Variants in SNTG2 observed in about 807,000 individuals in gnomAD.
SNTG2 encodes syntrophin gamma 2.
Under a neutral mutation model 70.9 loss-of-function variants are expected in SNTG2, and 74 were observed. The ratio of observed to expected loss-of-function variants is 1.04; its 90% confidence interval spans 0.86 to 1.27. The LOEUF is 1.27. Among genes scored for constraint, SNTG2 ranks in the 50% most tolerant of loss-of-function variants. The probability of loss-of-function intolerance (pLI) is 0.00; values close to 1 mark genes in which losing one functional copy is unlikely to be tolerated. For synonymous variants in SNTG2, 278 were observed against 273.8 expected, an observed-to-expected ratio of 1.02 and a Z score of -0.15; for missense variants, 717 against 690.7, an observed-to-expected ratio of 1.04 and a Z score of -0.43.
chr2:1,221,527 A>C (rs567427162), intron 9 of SNTG2, among the ~76,000 whole-genome samples: 2 of 204 alleles, frequency 9.8e-3, no homozygotes, highest in Non-Finnish European at 0.017. Flanking sequence ...GTCTCTCTCT[A>C]TCTCTGTCTC....
At chr2:1,359,491 C>T (rs1457043177) in intron 16 of SNTG2, among the ~76,000 whole-genome samples, 2 of 152,084 alleles carry the variant, frequency 1.3e-5, no homozygotes, top group Non-Finnish European at 2.9e-5. Context: ...TAAGTACAGC[C>T]ACCCTGCCCT....
At chr2:1,227,635 G>A (rs968185978) in intron 9 of SNTG2, among the ~76,000 whole-genome samples, 3 of 152,242 alleles carry the variant, frequency 2.0e-5, no homozygotes, top group Non-Finnish European at 4.4e-5. Context: ...CTGTGCAGCC[G>A]CAGCTGGGGA....
intron 8 of SNTG2, among the ~76,000 whole-genome samples, chr2:1,176,643 T>A (rs1235491513): frequency 3.8e-5 from 5 of 130,150 alleles, no homozygotes; most frequent in African/African-American, 1.2e-4. Context: ...CTAAAACAAA[T>A]TTACAAGAAA....
chr2:1,193,501 G>A (rs1034719973), intron 8 of SNTG2, among the ~76,000 whole-genome samples: 10 of 152,080 alleles, frequency 6.6e-5, no homozygotes, highest in African/African-American at 1.7e-4. Flanking sequence ...TTAGAAGTCC[G>A]TTGCTGTACT....
chr2:1,051,095 C>G (rs1366318260), intron 1 of SNTG2, among the ~76,000 whole-genome samples: 1 of 149,404 alleles, frequency 6.7e-6, no homozygotes, highest in African/African-American at 2.5e-5. Context: ...TCAATAATAT[C>G]ATCTATGAAA....
intron 1 of SNTG2, among the ~76,000 whole-genome samples, chr2:1,057,141 T>G (rs1402310742): frequency 6.6e-6 from 1 of 152,086 alleles, no homozygotes; most frequent in East Asian, 1.9e-4. Flanking sequence ...CTATTTCTGC[T>G]AGAAGCTGTG....
At chr2:1,238,849 G>A (rs991664923) in intron 10 of SNTG2, among the ~76,000 whole-genome samples, 21 of 152,320 alleles carry the variant, frequency 1.4e-4, no homozygotes, top group African/African-American at 3.8e-4. Context: ...CCCACCCTGC[G>A]GCCCTGCAGA....
chr2:1,306,147 G>T (rs965834351), intron 14 of SNTG2, among the ~76,000 whole-genome samples: 3 of 152,194 alleles, frequency 2.0e-5, no homozygotes, highest in African/African-American at 7.2e-5. Context: ...GGCAAGGGGA[G>T]CTGGCTGGTA....
At chr2:1,034,710 C>T (rs183560944) in intron 1 of SNTG2, among the ~76,000 whole-genome samples, 92 of 152,228 alleles carry the variant, frequency 6.0e-4, no homozygotes, top group Non-Finnish European at 1.1e-3. Flanking sequence ...TAATGATCAG[C>T]AATCTTGAGC....
chr2:1,340,519 A>G (rs1660030791), intron 16 of SNTG2, among the ~76,000 whole-genome samples: 1 of 152,218 alleles, frequency 6.6e-6, no homozygotes, highest in South Asian at 2.1e-4. Flanking sequence ...GTTGTTGAAA[A>G]TGGCGTCTCT....
chr2:1,026,204 T>A (rs940279399), intron 1 of SNTG2, among the ~76,000 whole-genome samples: 1 of 152,196 alleles, frequency 6.6e-6, no homozygotes, highest in African/African-American at 2.4e-5. Context: ...CAACACCAGA[T>A]GCAGACACGT....
intron 1 of SNTG2, among the ~76,000 whole-genome samples, chr2:992,660 A>G (rs10205779): frequency 0.14 from 21,457 of 152,116 alleles, 1,607 homozygotes; most frequent in Middle Eastern, 0.21. Context: ...CCCCTTCCAC[A>G]TTGCATTTCA....
chr2:1,222,119 C>CTCTCTGTCTCTCTCTGTCTCTGTCTCTG (rs1675218098), intron 9 of SNTG2, among the ~76,000 whole-genome samples: 7 of 107,718 alleles, frequency 6.5e-5, no homozygotes, highest in African/African-American at 2.8e-4. Flanking sequence ...CTCTCTGTCT[C>CTCTCTGTCTCTCTCTGTCTCTGTCTCTG]TCTCTGTCTC....
rs751398111 is a variant in SNTG2 at position 1,353,767 on chromosome 2, G to A, written c.1489-13576G>A. The stretch of plus-strand genomic sequence containing the variant: ...GGGCCAGTCATCTCACAGACACTTT[G>A]TGACAAATGTCCAGCAGTTTGTGCA... On this transcript the variant is annotated intron_variant, in intron 16 of 16. Transcript: ENST00000308624. The surrounding 1 kb of genome is among the most constrained non-coding windows in gnomAD (Gnocchi z 4.2). The A allele has an allele frequency of 6.6e-6, 1 of 152,218 alleles. No individual in the cohort carries two copies. Among genetic ancestry groups the A allele is most frequent in the Non-Finnish European group, 1.5e-5 (1 of 68,056 alleles). The allele number at this position is 152,218 out of a possible 1,614,324, so 9.4% of individuals were successfully genotyped here. A position where few individuals can be genotyped will look rare whatever the true frequency, so the allele number is the denominator to read the frequency against.
intron 4 of SNTG2, among the ~76,000 whole-genome samples, chr2:1,123,839 A>AGAG (rs1667529577): frequency 3.3e-4 from 1 of 3,046 alleles, no homozygotes; most frequent in Non-Finnish European, 6.7e-3. Flanking sequence ...ATTCAGGTTA[A>AGAG]TAGAACAAGT....
chr2:1,209,095 C>T lies in SNTG2; in HGVS notation c.592-8C>T. 6.2e-7 allele frequency: 1 copy of T among 1,613,678 alleles called. No homozygotes were observed. Among genetic ancestry groups the T allele is most frequent in the Non-Finnish European group, 8.5e-7 (1 of 1,179,802 alleles). ...CTGTGACGCTTCATTCTCCTTTCTT[C>T]TGTACAGGCCCCATCGTCACCTTCC... On this transcript the variant is annotated splice_region_variant and splice_polypyrimidine_tract_variant and intron_variant, in intron 8 of 16. Coordinates refer to ENST00000308624, the MANE Select transcript of SNTG2 (RefSeq NM_018968.4).
At chr2:1,267,742 G>A (rs145525605) in intron 14 of SNTG2, among the ~76,000 whole-genome samples, 171 bp downstream of exon 14, 1,619 of 136,384 alleles carry the variant, frequency 0.012, 26 homozygotes, top group African/African-American at 0.045. Context: ...CATGCGCTCC[G>A]TGGATAAATA....
At chr2:1,178,615 G>A (rs1246303749) in intron 8 of SNTG2, among the ~76,000 whole-genome samples, 3 of 152,140 alleles carry the variant, frequency 2.0e-5, no homozygotes, top group Admixed American at 6.5e-5. Context: ...TCATTGATTT[G>A]CGTATGTTGA....
chr2:1,076,096 C>T (rs1218998887), intron 1 of SNTG2, among the ~76,000 whole-genome samples: 1 of 152,162 alleles, frequency 6.6e-6, no homozygotes, highest in African/African-American at 2.4e-5. Context: ...AGTCATTGGT[C>T]ACGCAAAAAT....
Sources: allele counts gnomAD v4.1 joint callset (sites outside exome capture counted in the v4.1 genomes callset), GRCh38; gene constraint gnomAD v4.1.1; non-coding constraint Gnocchi (gnomAD v3.1); transcripts MANE v1.5; gene names NCBI Gene and HGNC (gene_info 2026-07-23, HGNC 2026-07-21).